The following NBPF3 variants were observed in gnomAD, a reference collection of about 807,000 sequenced individuals.
NBPF3 encodes NBPF family member NBPF3.
NBPF3 carries 57 observed loss-of-function variants against 78.1 expected under a neutral mutation model. That is an observed-to-expected ratio of 0.73 (90% CI 0.59 to 0.91). NBPF3 has a LOEUF of 0.91. Ranked by LOEUF, NBPF3 falls within the 40% of genes least tolerant of loss-of-function variation. The pLI, the probability that NBPF3 is intolerant of heterozygous loss-of-function variation, is 0.00. For synonymous variants in NBPF3, 182 were observed against 271.7 expected, an observed-to-expected ratio of 0.67 and a Z score of 3.25; for missense variants, 510 against 715.3, an observed-to-expected ratio of 0.71 and a Z score of 3.27.
intron 2 of NBPF3, among the ~76,000 whole-genome samples, chr1:21,463,069 A>T (rs535935821): frequency 1.3e-5 from 2 of 152,320 alleles, no homozygotes; most frequent in Middle Eastern, 3.4e-3. Context: ...CAGTAAAAAT[A>T]ATTAGAGAGG....
intron 8 of NBPF3, among the ~76,000 whole-genome samples, chr1:21,477,639 A>G (rs561883519): frequency 6.6e-6 from 1 of 152,308 alleles, no homozygotes; most frequent in East Asian, 1.9e-4. Flanking sequence ...GAGAGAATGT[A>G]TAAATGCTTT....
upstream of NBPF3, chr1:21,437,632 C>T (rs371944952): frequency 1.3e-5 from 5 of 372,730 alleles, no homozygotes; most frequent in Non-Finnish European, 1.9e-5. Context: ...CTAATATGGT[C>T]GCCACTAGCT....
At chr1:21,480,296 T>C in intron 11 of NBPF3, 73 bp downstream of exon 11, 2 of 784,814 alleles carry the variant, frequency 2.5e-6, no homozygotes, top group Non-Finnish European at 4.2e-6. Flanking sequence ...CTGTTCCAAG[T>C]GGCCCTTATT....
chr1:21,478,385 C>T lies in NBPF3; in HGVS notation c.1156+78C>T, dbSNP rs574121267. ...CCCCATAATCTTTGGGCCTTGTGAC[C>T]CTGGTTGGGCTGAGAGTTGCCATCA... On this transcript the variant is annotated intron_variant, in intron 9 of 14. Coordinates refer to ENST00000318249, the MANE Select transcript of NBPF3 (RefSeq NM_032264.6). 37 of 1,496,278 alleles carry T rather than the reference C, an allele frequency of 2.5e-5. No individual in the cohort carries two copies. The East Asian group carries it at 7.7e-4, about 31-fold the overall frequency. 92.7% of individuals were successfully genotyped at this position (1,496,278 alleles called of 1,614,324 possible). A position where few individuals can be genotyped will look rare whatever the true frequency, so the allele number is the denominator to read the frequency against.
chr1:21,474,821 C>T, intron 7 of NBPF3, 79 bp from the exon 8 acceptor site: 1 of 1,301,950 alleles, frequency 7.7e-7, no homozygotes, highest in East Asian at 2.5e-5. Flanking sequence ...ATGTCCTTGT[C>T]CTATGACTGG....
chr1:21,452,960 G>A (rs1016746152), intron 2 of NBPF3, among the ~76,000 whole-genome samples: 8 of 152,190 alleles, frequency 5.3e-5, no homozygotes, highest in African/African-American at 1.4e-4. Flanking sequence ...CTGGGTTAGT[G>A]CTTTATGCTG....
At position 21,468,840 on chromosome 1, in the gene NBPF3, CAG is replaced by C; in HGVS notation, c.288_289del (p.Lys97MetfsTer16). 1 of 1,614,194 alleles carries C rather than the reference CAG, an allele frequency of 6.2e-7. No homozygotes were observed. The highest frequency in any genetic ancestry group is 8.5e-7 in the Non-Finnish European group (1 of 1,180,032). ...ENKQQFRNLKQKCLVTQVAYF... is the reference protein window; with the variant it reads ...ENKQQFRNLKXKCLVTQVAYF... The stretch of plus-strand genomic sequence containing the variant: ...CAAACAGCAGTTCAGAAACCTCAAA[CAG>C]AAATGTCTTGTAACTCAAGTGGCCT... On this transcript the variant is annotated frameshift_variant, in exon 3 of 15. Coordinates refer to ENST00000318249, the MANE Select transcript of NBPF3 (RefSeq NM_032264.6). LOFTEE classifies it high-confidence loss of function.
At chr1:21,450,131 C>G (rs1393193886) in intron 2 of NBPF3, among the ~76,000 whole-genome samples, 3 of 149,238 alleles carry the variant, frequency 2.0e-5, no homozygotes, top group African/African-American at 7.4e-5. Flanking sequence ...TCATGTGAGG[C>G]TAAAATTCAG....
At position 21,459,545 on chromosome 1, in the gene NBPF3, T is replaced by C. The variant is rs577273483; in HGVS notation, c.134-9143T>C. On this transcript the variant is annotated intron_variant, in intron 2 of 14. Coordinates refer to ENST00000318249, the MANE Select transcript of NBPF3 (RefSeq NM_032264.6). ...TCCCTGGCCCCCAGCCCATGTGGTT[T>C]TGGCAGCAATAGGGGTGTGGGGTAA... Among the ~76,000 whole-genome samples the C allele has an allele frequency of 8.5e-5, 13 of 152,240 alleles. No individual in the cohort carries two copies. In the South Asian group the frequency reaches 2.5e-3, roughly 29 times the overall value.
At chr1:21,441,752 C>T (rs899022493) in intron 1 of NBPF3, among the ~76,000 whole-genome samples, 2 of 150,974 alleles carry the variant, frequency 1.3e-5, no homozygotes, top group Non-Finnish European at 2.9e-5. Context: ...AAGTGAACCA[C>T]CACAGATCAA....
chr1:21,478,424 C>G (rs1643001361), intron 9 of NBPF3, 117 bp downstream of exon 9: 4 of 1,146,134 alleles, frequency 3.5e-6, no homozygotes, highest in Non-Finnish European at 5.3e-6. Context: ...TGGGTGGAAC[C>G]TATATATCAA....
intron 11 of NBPF3, among the ~76,000 whole-genome samples, chr1:21,480,725 A>G (rs1176949198): frequency 6.6e-6 from 1 of 152,288 alleles, no homozygotes; most frequent in African/African-American, 2.4e-5. Flanking sequence ...CTACCAGAAT[A>G]GGGACATTTC....
chr1:21,471,253 C>T (rs1199316661), intron 4 of NBPF3, among the ~76,000 whole-genome samples: 2 of 152,074 alleles, frequency 1.3e-5, no homozygotes, highest in African/African-American at 4.8e-5. Flanking sequence ...GTGGAAATGT[C>T]CATGGCCAGA....
At chr1:21,479,820 C>CTCTGTGTGTGTGTGTG (rs766796014) in intron 10 of NBPF3, among the ~76,000 whole-genome samples, 255 of 102,862 alleles carry the variant, frequency 2.5e-3, no homozygotes, top group African/African-American at 7.8e-3. Context: ...CTCTCTCTCT[C>CTCTGTGTGTGTGTGTG]TGTGTGTGTG....
chr1:21,454,259 C>T (rs1042260913), intron 2 of NBPF3: 2 of 152,184 alleles, frequency 1.3e-5, no homozygotes, highest in African/African-American at 4.8e-5. Flanking sequence ...TTTGTTCCTG[C>T]ACATTAACTG....
chr1:21,455,644 C>T (rs1641558099), intron 2 of NBPF3, among the ~76,000 whole-genome samples: 1 of 152,104 alleles, frequency 6.6e-6, no homozygotes, highest in Non-Finnish European at 1.5e-5. Flanking sequence ...GCCCACTGAG[C>T]TGAGAAGGCA....
chr1:21,479,820 C>CTCTCTCTGTGTGTGTGTGTG (rs766796014), intron 10 of NBPF3, among the ~76,000 whole-genome samples: 1 of 102,808 alleles, frequency 9.7e-6, no homozygotes, highest in African/African-American at 3.4e-5. Context: ...CTCTCTCTCT[C>CTCTCTCTGTGTGTGTGTGTG]TGTGTGTGTG....
intron 2 of NBPF3, chr1:21,446,523 A>G: frequency 8.4e-6 from 1 of 119,126 alleles, no homozygotes; most frequent in Non-Finnish European, 1.7e-5. Flanking sequence ...CTTTCTCTTT[A>G]TTCTTTCCCT....
chr1:21,454,381 T>G (rs1198560053), intron 2 of NBPF3: 2 of 152,200 alleles, frequency 1.3e-5, no homozygotes, highest in Non-Finnish European at 2.9e-5. Flanking sequence ...AGGGGGAATT[T>G]ATAACCTGGC....
Sources: gnomAD v4.1 joint callset for allele counts (sites outside exome capture counted in the v4.1 genomes callset) on GRCh38, gnomAD v4.1.1 for gene constraint, MANE v1.5 for transcripts, NCBI Gene and HGNC (gene_info 2026-07-23, HGNC 2026-07-21) for gene names.